The following RAD54L2 variants were observed in gnomAD, a reference collection of about 807,000 sequenced individuals.
The protein encoded by RAD54L2 is RAD54 like 2.
A neutral mutation model predicts 138.4 loss-of-function variants in RAD54L2; 27 were observed. The observed-to-expected ratio is 0.20, with a 90% CI of 0.14 to 0.27. The LOEUF is 0.27. Ranked by LOEUF, RAD54L2 falls within the 10% of genes least tolerant of loss-of-function variation. The probability of loss-of-function intolerance (pLI) is 1.00; values close to 1 mark genes in which losing one functional copy is unlikely to be tolerated. For missense variants in RAD54L2, 1,396 were observed against 1,890.2 expected (o/e 0.74, Z 4.85); for synonymous variants, 644 against 723.2 (o/e 0.89, Z 1.76).
Position 51,599,745 on chromosome 3 carries a change from CAAA to C in RAD54L2, c.139+9200_139+9202del, listed in dbSNP as rs34126564. Among the ~76,000 whole-genome samples the C allele has an allele frequency of 3.8e-4, 49 of 130,210 alleles. 1 individual carries two copies. Among genetic ancestry groups the C allele is most frequent in the South Asian group, 2.0e-3 (8 of 4,058 alleles). The allele number at this position is 130,210 out of a possible 152,430, so 85.4% of individuals were successfully genotyped here. ...CCCAGCTAATTTTTGTATTTTTTAC[CAAA>C]AAAAAAAAAAAAAGGGCAAAAACCG... On this transcript the variant is annotated intron_variant, in intron 3 of 22. Transcript: ENST00000684192.
chr3:51,635,904 G>A (rs757647285), intron 10 of RAD54L2, 115 bp downstream of exon 10: 59 of 1,144,998 alleles, frequency 5.2e-5, no homozygotes, highest in Non-Finnish European at 6.3e-5. Context: ...TTGTTATCAT[G>A]GACCAAAAAT....
Position 51,645,461 on chromosome 3 carries a change from A to G in RAD54L2, c.2657-130A>G. ...GTTATACAAGTTTTCCCCTTATATG[A>G]TGTTTCCAGTGTCACCAGCACCTCA... On this transcript the variant is annotated intron_variant, in intron 17 of 22. Transcript: ENST00000684192. The surrounding 1 kb of genome is among the most constrained non-coding windows in gnomAD (Gnocchi z 6.1). The G allele has an allele frequency of 9.5e-7, 1 of 1,047,964 alleles. No individual in the cohort carries two copies. Among genetic ancestry groups the G allele is most frequent in the Non-Finnish European group, 1.4e-6 (1 of 732,154 alleles). 64.9% of individuals were successfully genotyped at this position (1,047,964 alleles called of 1,614,324 possible). A position where few individuals can be genotyped will look rare whatever the true frequency, so the allele number is the denominator to read the frequency against.
In RAD54L2 at chr3:51,667,208, C is replaced by T. The variant is rs536271453; in HGVS notation, c.*3788C>T. On this transcript the variant is annotated 3_prime_UTR_variant, in exon 23 of 23. Coordinates refer to ENST00000684192, the MANE Select transcript of RAD54L2 (RefSeq NM_015106.4). ...TGAGACAGAGTCTTGCTCTGTCACC[C>T]AGGCTTGAGTGCAATGGTGTGATCT... 1.3e-5 allele frequency: 2 copies of T among 152,012 alleles called. No homozygotes were observed. The highest frequency in any genetic ancestry group is 2.1e-4 in the South Asian group (1 of 4,804). The allele number at this position is 152,012 out of a possible 1,614,324, so 9.4% of individuals were successfully genotyped here.
rs1421372616 is a variant in RAD54L2, at chr3:51,665,789, G to A, written c.*2369G>A. 1 of 152,188 alleles carries A rather than the reference G, an allele frequency of 6.6e-6. No individual in the cohort carries two copies. Among genetic ancestry groups the A allele is most frequent in the Admixed American group, 6.5e-5 (1 of 15,274 alleles). 9.4% of individuals were successfully genotyped at this position (152,188 alleles called of 1,614,324 possible). A position where few individuals can be genotyped will look rare whatever the true frequency, so the allele number is the denominator to read the frequency against. On this transcript the variant is annotated 3_prime_UTR_variant, in exon 23 of 23. Coordinates refer to ENST00000684192, the MANE Select transcript of RAD54L2 (RefSeq NM_015106.4). ...GGCCCTGGAGCACTGGGATCCCAGA[G>A]ATGCATGTGTGCATGTGTATGTCTG...
chr3:51,607,111 A>AT (rs1013125909), intron 3 of RAD54L2, among the ~76,000 whole-genome samples: 10 of 103,704 alleles, frequency 9.6e-5, no homozygotes, highest in Non-Finnish European at 1.5e-4. Flanking sequence ...ATTTTATTTT[A>AT]TTTTTTTTAG....
chr3:51,646,518 A>G (rs929447019), intron 19 of RAD54L2, 37 bp downstream of exon 19: 7 of 1,523,720 alleles, frequency 4.6e-6, no homozygotes, highest in Non-Finnish European at 5.4e-6. Context: ...CTGCTGGGCC[A>G]GGCACAAACA....
intron 3 of RAD54L2, among the ~76,000 whole-genome samples, chr3:51,596,296 T>C (rs867605852): frequency 5.3e-5 from 8 of 150,434 alleles, no homozygotes; most frequent in Admixed American, 1.3e-4. Context: ...CTGTCCGTGA[T>C]AGGGAGCCCA....
At chr3:51,582,629 G>A (rs1228650545) in intron 2 of RAD54L2, among the ~76,000 whole-genome samples, 2 of 151,456 alleles carry the variant, frequency 1.3e-5, no homozygotes, top group Non-Finnish European at 2.9e-5. Context: ...CATGGAGAAG[G>A]AAACGAACCT....
At chr3:51,659,100 T>TG (rs1310620169) in intron 21 of RAD54L2, among the ~76,000 whole-genome samples, 1 of 135,674 alleles carries the variant, frequency 7.4e-6, no homozygotes, top group Non-Finnish European at 1.6e-5. Flanking sequence ...CGGCTCTTGT[T>TG]TTTTTTTTTT....
At chr3:51,560,141 G>GGCCT (rs1353245560) in intron 2 of RAD54L2, among the ~76,000 whole-genome samples, 2 of 151,672 alleles carry the variant, frequency 1.3e-5, no homozygotes, top group Non-Finnish European at 1.5e-5. Context: ...ATATACCTAT[G>GGCCT]GCCTCTTCAG....
chr3:51,625,094 T>G (rs1201626269), intron 3 of RAD54L2, among the ~76,000 whole-genome samples: 1 of 152,120 alleles, frequency 6.6e-6, no homozygotes, highest in African/African-American at 2.4e-5. Flanking sequence ...CAAAGACACT[T>G]GACTACATAC....
intron 3 of RAD54L2, among the ~76,000 whole-genome samples, chr3:51,614,960 G>A (rs1362310202): frequency 2.0e-5 from 3 of 150,826 alleles, no homozygotes; most frequent in Non-Finnish European, 4.4e-5. Flanking sequence ...CTATTTCAAA[G>A]GTGAATTACA....
intron 2 of RAD54L2, among the ~76,000 whole-genome samples, chr3:51,573,633 C>T (rs183987000): frequency 2.8e-4 from 43 of 152,170 alleles, no homozygotes; most frequent in Middle Eastern, 3.4e-3. Context: ...CCACGCCTGA[C>T]TAATTTTTGT....
intron 2 of RAD54L2, among the ~76,000 whole-genome samples, chr3:51,586,536 A>G (rs1699713177): frequency 6.6e-6 from 1 of 151,280 alleles, no homozygotes; most frequent in Non-Finnish European, 1.5e-5. Context: ...ATGGTTCTCT[A>G]AAATCAGCCA....
In RAD54L2 at chr3:51,611,792, G is replaced by A. The variant is rs546658838; in HGVS notation, c.140-15761G>A. 3.3e-5 allele frequency among the ~76,000 whole-genome samples: 5 copies of A among 151,852 alleles called. No individual in the cohort carries two copies. In the South Asian group the frequency reaches 8.3e-4, roughly 25 times the overall value. On this transcript the variant is annotated intron_variant, in intron 3 of 22. Coordinates refer to ENST00000684192, the MANE Select transcript of RAD54L2 (RefSeq NM_015106.4). ...AGGCTGGTCATGAACTCCTGACCTC[G>A]TGATCCACCCGCCTCGGGCTCCCAA...
Position 51,545,771 on chromosome 3 carries a change from G to T in RAD54L2, c.-55+4121G>T, listed in dbSNP as rs187301045. Reference sequence around the variant, plus strand: ...ATTTTTATATTTTTTGTAGAGGCAGGGGTCCCACTATGTTGCGCAGGCTGG... The same window carrying T: ...ATTTTTATATTTTTTGTAGAGGCAGTGGTCCCACTATGTTGCGCAGGCTGG... On this transcript the variant is annotated intron_variant, in intron 2 of 22. Transcript: ENST00000684192. Among the ~76,000 whole-genome samples the T allele has an allele frequency of 2.0e-3, 296 of 151,720 alleles. 1 individual carries two copies. The highest frequency in any genetic ancestry group is 3.6e-3 in the Non-Finnish European group (243 of 67,942).
At chr3:51,562,988 C>G (rs1414556851) in intron 2 of RAD54L2, among the ~76,000 whole-genome samples, 2 of 152,164 alleles carry the variant, frequency 1.3e-5, no homozygotes, top group Non-Finnish European at 2.9e-5. Flanking sequence ...TCTGCCTACC[C>G]CATTCCCTGG....
intron 2 of RAD54L2, among the ~76,000 whole-genome samples, chr3:51,573,624 C>A (rs1251487518): frequency 1.3e-5 from 2 of 152,066 alleles, no homozygotes; most frequent in Non-Finnish European, 2.9e-5. Flanking sequence ...GGTGCGCCAC[C>A]ACGCCTGACT....
intron 19 of RAD54L2, among the ~76,000 whole-genome samples, chr3:51,651,841 G>T (rs1249373912): frequency 6.6e-6 from 1 of 152,160 alleles, no homozygotes; most frequent in African/African-American, 2.4e-5. Context: ...TACTGAATGG[G>T]CAAACACTGG....
Sources: gnomAD v4.1 joint callset for allele counts (sites outside exome capture counted in the v4.1 genomes callset) on GRCh38, gnomAD v4.1.1 for gene constraint, Gnocchi (gnomAD v3.1) non-coding constraint, MANE v1.5 for transcripts, NCBI Gene and HGNC (gene_info 2026-07-23, HGNC 2026-07-21) for gene names.